CIMAP1D: variants seen among roughly 807,000 people sequenced by gnomAD.
The protein encoded by CIMAP1D is protein CIMAP1D.
At chr19:486,650 C>T in the CIMAP1D span, among the ~76,000 whole-genome samples, 2 of 151,816 alleles carry the variant, frequency 1.3e-5, no homozygotes, top group African/African-American at 4.8e-5. Context: ...AGCGGTGGCT[C>T]ACGCCTGTAA....
At chr19:478,317 A>G in the CIMAP1D span, among the ~76,000 whole-genome samples, 1 of 97,256 alleles carries the variant, frequency 1.0e-5, no homozygotes, top group African/African-American at 1.9e-4. Flanking sequence ...TCCAGGCCAC[A>G]CCAGACAGCC....
At chr19:471,440 G>A in the CIMAP1D span, among the ~76,000 whole-genome samples, 2 of 149,364 alleles carry the variant, frequency 1.3e-5, no homozygotes, top group East Asian at 2.0e-4. Context: ...GAGCCACTGC[G>A]CCCGGCCCTA....
the CIMAP1D span, among the ~76,000 whole-genome samples, chr19:481,150 G>A: frequency 1.1e-4 from 7 of 63,574 alleles, no homozygotes; most frequent in African/African-American, 1.6e-4. Flanking sequence ...AGGATGATGG[G>A]AAGGATGATG....
At chr19:481,641 G>C in the CIMAP1D span, among the ~76,000 whole-genome samples, 1 of 151,896 alleles carries the variant, frequency 6.6e-6, no homozygotes, top group South Asian at 2.1e-4. Flanking sequence ...ATTGGAGGAT[G>C]ATGGGAAAGG....
the CIMAP1D span, chr19:467,819 C>T: frequency 9.5e-6 from 11 of 1,153,698 alleles, no homozygotes; most frequent in East Asian, 4.9e-5. Context: ...CCTGCCCCAC[C>T]GCCCGGCCTC....
At chr19:487,145 C>T in the CIMAP1D span, among the ~76,000 whole-genome samples, 11,809 of 152,178 alleles carry the variant, frequency 0.078, 965 homozygotes, top group East Asian at 0.32. Context: ...GCACTCTCCA[C>T]GCCTCACCTA....
chr19:482,771 G>C, the CIMAP1D span, among the ~76,000 whole-genome samples: 1 of 152,104 alleles, frequency 6.6e-6, no homozygotes, highest in East Asian at 1.9e-4. Flanking sequence ...GAATGTTCTT[G>C]GCCCTGCACT....
chr19:480,490 G>GA, the CIMAP1D span, among the ~76,000 whole-genome samples: 6,105 of 97,894 alleles, frequency 0.062, 1,516 homozygotes, highest in African/African-American at 0.29. Context: ...AAGGATGATG[G>GA]TAAGGATGAT....
chr19:486,272 CCTT>C, the CIMAP1D span, among the ~76,000 whole-genome samples: 19 of 152,162 alleles, frequency 1.2e-4, no homozygotes, highest in Non-Finnish European at 2.6e-4. Flanking sequence ...AAGCCCAGGT[CCTT>C]CCTGCCCTCT....
the CIMAP1D span, chr19:463,519 T>G: frequency 4.7e-6 from 2 of 421,432 alleles, no homozygotes; most frequent in Admixed American, 4.3e-5. Flanking sequence ...CGCCGAGTTC[T>G]GGGACACAGG....
At chr19:474,330 G>A in the CIMAP1D span, among the ~76,000 whole-genome samples, 8 of 152,176 alleles carry the variant, frequency 5.3e-5, no homozygotes, top group Non-Finnish European at 1.2e-4. Flanking sequence ...CCTCCTCCCC[G>A]CGTCTCCCGC....
At chr19:475,986 ATTTTTTTTTTT>A in the CIMAP1D span, among the ~76,000 whole-genome samples, 14 of 39,266 alleles carry the variant, frequency 3.6e-4, no homozygotes, top group East Asian at 1.0e-3. Context: ...CGCCTGGCTA[ATTTTTTTTTTT>A]TTTTTTTTTT....
chr19:467,966 C>T, the CIMAP1D span, among the ~76,000 whole-genome samples: 1 of 152,176 alleles, frequency 6.6e-6, no homozygotes, highest in African/African-American at 2.4e-5. Context: ...ACTCTGTCTC[C>T]TCACAGTCAA....
the CIMAP1D span, among the ~76,000 whole-genome samples, chr19:479,081 C>T: frequency 6.6e-6 from 1 of 152,210 alleles, no homozygotes; most frequent in African/African-American, 2.4e-5. Context: ...GTGATCAACT[C>T]AGTATACCAC....
chr19:483,125 A>G, the CIMAP1D span, among the ~76,000 whole-genome samples: 2 of 151,988 alleles, frequency 1.3e-5, no homozygotes, highest in Non-Finnish European at 2.9e-5. Flanking sequence ...CACTCCAGCA[A>G]ATGGCACCTC....
the CIMAP1D span, among the ~76,000 whole-genome samples, chr19:479,423 G>GC: frequency 7.8e-6 from 1 of 127,624 alleles, no homozygotes; most frequent in Non-Finnish European, 1.7e-5. Flanking sequence ...GGGGGGGGGG[G>GC]GATGGAGTTT....
chr19:488,335 A>G, the CIMAP1D span, among the ~76,000 whole-genome samples: 6 of 152,046 alleles, frequency 3.9e-5, no homozygotes, highest in East Asian at 9.7e-4. Flanking sequence ...ATCCTGGCTA[A>G]CACGGTGAAA....
the CIMAP1D span, among the ~76,000 whole-genome samples, chr19:470,611 G>A: frequency 2.6e-5 from 4 of 152,264 alleles, no homozygotes; most frequent in South Asian, 8.3e-4. Flanking sequence ...AGTGTGGGCT[G>A]GGATTTTTGC....
chr19:490,080 G>T, the CIMAP1D span: 13 of 398,402 alleles, frequency 3.3e-5, no homozygotes, highest in East Asian at 4.6e-4. Flanking sequence ...ACAAGGCCGG[G>T]CGCGTTGGCT....
Sources: gnomAD v4.1 joint callset for allele counts (sites outside exome capture counted in the v4.1 genomes callset) on GRCh38, gnomAD v4.1.1 for gene constraint, MANE v1.5 for transcripts, NCBI Gene and HGNC (gene_info 2026-07-23, HGNC 2026-07-21) for gene names.